The following SGSM1 variants were observed in gnomAD, a reference collection of about 807,000 sequenced individuals.
SGSM1 encodes the protein small G protein signaling modulator 1, also known as RUN and TBC1 domain containing 2.
In SGSM1, 73 loss-of-function variants were observed where a neutral mutation model predicts 133.8. That is an observed-to-expected ratio of 0.55 (90% CI 0.45 to 0.66). SGSM1 has a LOEUF of 0.66. Among genes scored for constraint, SGSM1 ranks in the 30% least tolerant of loss-of-function variants. The pLI, the probability that SGSM1 is intolerant of heterozygous loss-of-function variation, is 0.00. For missense variants in SGSM1, 1,213 were observed against 1,448.1 expected (o/e 0.84, Z 2.64); for synonymous variants, 563 against 573.0 (o/e 0.98, Z 0.25).
At chr22:24,861,472 G>A (rs893230468) in intron 9 of SGSM1, among the ~76,000 whole-genome samples, 1 of 151,970 alleles carries the variant, frequency 6.6e-6, no homozygotes, top group Admixed American at 6.6e-5. Context: ...CAATAATTCA[G>A]CTCCAACTAG....
At chr22:24,821,485 C>G (rs934275557) in intron 2 of SGSM1, among the ~76,000 whole-genome samples, 1 of 152,150 alleles carries the variant, frequency 6.6e-6, no homozygotes, top group African/African-American at 2.4e-5. Context: ...GAGAGAGATG[C>G]GAGACAGGCC....
At chr22:24,837,807 T>C (rs979990146) in intron 2 of SGSM1, among the ~76,000 whole-genome samples, 2 of 152,250 alleles carry the variant, frequency 1.3e-5, no homozygotes, top group Non-Finnish European at 2.9e-5. Flanking sequence ...CTGTATGGCC[T>C]GGTTTTTCCT....
intron 19 of SGSM1, among the ~76,000 whole-genome samples, chr22:24,900,413 T>TTCTTTCTTCTTTCTTTCTTTCTTTC (rs1555935573): frequency 7.0e-6 from 1 of 141,846 alleles, no homozygotes; most frequent in African/African-American, 2.9e-5. Context: ...CTTTCTGTAT[T>TTCTTTCTTCTTTCTTTCTTTCTTTC]TTTGAGACAG....
rs566633541 is a variant in SGSM1 at position 24,847,922 on chromosome 22, C to G, written c.302+126C>G. The G allele has an allele frequency of 3.1e-6, 4 of 1,303,252 alleles. No individual in the cohort carries two copies. In the African/African-American group the frequency reaches 6.1e-5, roughly 20 times the overall value. The allele number at this position is 1,303,252 out of a possible 1,614,324, so 80.7% of individuals were successfully genotyped here. A position where few individuals can be genotyped will look rare whatever the true frequency, so the allele number is the denominator to read the frequency against. On this transcript the variant is annotated intron_variant, in intron 4 of 24. Transcript: ENST00000400358. ...GTCTCCATCCTGCTTCTCAAACCCA[C>G]CAGACTCTTTCCCACCCCAGGGTCT... is the stretch of plus-strand genomic sequence containing the variant.
chr22:24,894,871 A>G (rs1200220931), intron 17 of SGSM1, among the ~76,000 whole-genome samples: 1 of 151,640 alleles, frequency 6.6e-6, no homozygotes, highest in Non-Finnish European at 1.5e-5. Context: ...GTATACAGGG[A>G]TCATGGGAAA....
At chr22:24,892,132 G>A (rs1339132145) in intron 16 of SGSM1, among the ~76,000 whole-genome samples, 1 of 152,130 alleles carries the variant, frequency 6.6e-6, no homozygotes, top group Non-Finnish European at 1.5e-5. Flanking sequence ...AGGTGAAAGT[G>A]GTGTAACCCT....
chr22:24,895,675 A>G (rs775892746), intron 18 of SGSM1, among the ~76,000 whole-genome samples: 13 of 152,206 alleles, frequency 8.5e-5, no homozygotes, highest in Non-Finnish European at 1.8e-4. Context: ...GTGTACATAA[A>G]TGCCATCATA....
chr22:24,895,737 C>G (rs1235909724), intron 18 of SGSM1, among the ~76,000 whole-genome samples: 1 of 152,128 alleles, frequency 6.6e-6, no homozygotes, highest in East Asian at 1.9e-4. Context: ...ATAACTCAAT[C>G]TCACTCCGTT....
intron 14 of SGSM1, among the ~76,000 whole-genome samples, chr22:24,883,117 G>C (rs1049003036): frequency 2.6e-5 from 4 of 151,428 alleles, no homozygotes; most frequent in Non-Finnish European, 4.4e-5. Context: ...TGTTAGTCAG[G>C]ATGTTCTCAA....
chr22:24,908,504 C>T (rs148047154), intron 21 of SGSM1, among the ~76,000 whole-genome samples: 343 of 152,162 alleles, frequency 2.3e-3, no homozygotes, highest in African/African-American at 7.1e-3. Context: ...TACAATTCAA[C>T]GGTAAAAAGA....
intron 16 of SGSM1, among the ~76,000 whole-genome samples, chr22:24,890,567 G>A (rs1479038564): frequency 6.6e-6 from 1 of 152,050 alleles, no homozygotes; most frequent in African/African-American, 2.4e-5. Context: ...TTGAGGTGGA[G>A]TCTCGCTCTG....
intron 21 of SGSM1, among the ~76,000 whole-genome samples, chr22:24,909,505 G>C (rs1350560117): frequency 6.6e-6 from 1 of 151,676 alleles, no homozygotes; most frequent in Admixed American, 6.6e-5. Context: ...ACCCAGGCTG[G>C]AGTGCAATGG....
intron 22 of SGSM1, among the ~76,000 whole-genome samples, chr22:24,913,248 G>C (rs951188965): frequency 6.9e-6 from 1 of 145,294 alleles, no homozygotes; most frequent in Non-Finnish European, 1.5e-5. Flanking sequence ...AGCCGAGATC[G>C]AGCCACTGCA....
chr22:24,882,834 G>T (rs1228610199), intron 14 of SGSM1, among the ~76,000 whole-genome samples: 3 of 151,774 alleles, frequency 2.0e-5, no homozygotes, highest in Non-Finnish European at 4.4e-5. Context: ...CGCATGACAG[G>T]ATTTCATTCT....
intron 2 of SGSM1, among the ~76,000 whole-genome samples, chr22:24,834,757 CCT>C (rs1491370022): frequency 8.3e-5 from 6 of 72,424 alleles, no homozygotes; most frequent in Admixed American, 7.2e-4. Flanking sequence ...GTCTAAATTT[CCT>C]TTTTTTTTTT....
chr22:24,891,166 C>G (rs1002025928), intron 16 of SGSM1, among the ~76,000 whole-genome samples: 2 of 152,102 alleles, frequency 1.3e-5, no homozygotes, highest in African/African-American at 4.8e-5. Context: ...CAAGACCAGC[C>G]TGAGCAACAT....
intron 3 of SGSM1, among the ~76,000 whole-genome samples, chr22:24,845,954 TTTCTTTC>T (rs1411204364): frequency 0.038 from 3,375 of 89,870 alleles, 99 homozygotes; most frequent in Non-Finnish European, 0.045. Context: ...TCTTTCTTTC[TTTCTTTC>T]TTTCTTTCTT....
intron 8 of SGSM1, among the ~76,000 whole-genome samples, chr22:24,857,326 T>C (rs1172013979): frequency 3.4e-5 from 5 of 148,658 alleles, no homozygotes; most frequent in Admixed American, 6.8e-5. Context: ...CAGAACTGCT[T>C]GAACCCAGGA....
At chr22:24,898,909 A>C (rs1442373435) in intron 19 of SGSM1, among the ~76,000 whole-genome samples, 2 of 150,636 alleles carry the variant, frequency 1.3e-5, no homozygotes, top group African/African-American at 2.4e-5. Context: ...CACCTGTAGT[A>C]CCAGCTACTT....
Sources: allele counts gnomAD v4.1 joint callset (sites outside exome capture counted in the v4.1 genomes callset), GRCh38; gene constraint gnomAD v4.1.1; transcripts MANE v1.5; gene names NCBI Gene and HGNC (gene_info 2026-07-23, HGNC 2026-07-21).